The following CADM2 variants were observed in gnomAD, a reference collection of about 807,000 sequenced individuals.
The protein encoded by CADM2 is cell adhesion molecule 2.
A neutral mutation model predicts 49.8 loss-of-function variants in CADM2; 12 were observed. The ratio of observed to expected loss-of-function variants is 0.24; its 90% CI spans 0.15 to 0.39. The LOEUF (loss-of-function observed/expected upper bound fraction) is 0.39, where lower values mean the gene tolerates loss of function less well. Among genes scored for constraint, CADM2 ranks in the 10% least tolerant of loss-of-function variants. The pLI is 1.00. For missense variants in CADM2, 378 were observed against 492.3 expected (o/e 0.77, Z 2.20); for synonymous variants, 214 against 175.4 (o/e 1.22, Z -1.74).
intron 1 of CADM2, among the ~76,000 whole-genome samples, chr3:85,391,559 A>G (rs1444938679): frequency 2.6e-4 from 39 of 152,072 alleles, no homozygotes; most frequent in Admixed American, 2.6e-3. Flanking sequence ...AAAAACAACA[A>G]TAGCAACAAT....
intron 1 of CADM2, among the ~76,000 whole-genome samples, chr3:85,384,436 T>C (rs1194176271): frequency 6.6e-6 from 1 of 152,060 alleles, no homozygotes; most frequent in Non-Finnish European, 1.5e-5. Flanking sequence ...TTCAGCCTTC[T>C]AAGTAGCTGG....
At chr3:85,211,305 G>A (rs938673438) in intron 1 of CADM2, among the ~76,000 whole-genome samples, 1 of 151,732 alleles carries the variant, frequency 6.6e-6, no homozygotes, top group African/African-American at 2.4e-5. Context: ...TTACTGCTCT[G>A]ATCTATTTTA....
chr3:85,719,596 A>G (rs1559612409), intron 1 of CADM2, among the ~76,000 whole-genome samples: 1 of 152,202 alleles, frequency 6.6e-6, no homozygotes, highest in Non-Finnish European at 1.5e-5. Context: ...CATTAAGTGG[A>G]GGTGGATCAT....
rs567791507 is a variant in CADM2, at chr3:85,559,457, A to G, written c.62-167065A>G. 6.6e-5 allele frequency among the ~76,000 whole-genome samples: 10 copies of G among 152,184 alleles called. No homozygotes were observed. The South Asian group carries it at 2.1e-3, about 32-fold the overall frequency. On this transcript the variant is annotated intron_variant, in intron 1 of 9. Coordinates refer to ENST00000383699, the MANE Select transcript of CADM2 (RefSeq NM_001167675.2). The stretch of plus-strand genomic sequence containing the variant: ...ACAGTAGTCTGTATTTTGGGGTGAC[A>G]TGAATAATAGTCTTATTAAGCTCCT...
At chr3:86,020,443 C>T (rs1212526021) in intron 8 of CADM2, among the ~76,000 whole-genome samples, 1 of 151,938 alleles carries the variant, frequency 6.6e-6, no homozygotes, top group Non-Finnish European at 1.5e-5. Flanking sequence ...TCTGAAACTA[C>T]TCCAATCAAT....
rs907235980 is a variant in CADM2, at chr3:85,818,553, T to A, written c.238+16357T>A. Among the ~76,000 whole-genome samples, 3 of 152,210 alleles carry A rather than the reference T, an allele frequency of 2.0e-5. No homozygotes were observed. The East Asian group carries it at 5.8e-4, about 29-fold the overall frequency. On this transcript the variant is annotated intron_variant, in intron 3 of 9. Coordinates refer to ENST00000383699, the MANE Select transcript of CADM2 (RefSeq NM_001167675.2). ...TCCTCACTAAATACTCTCTCAGTAG[T>A]TCAAATAGTGTTTTGTAACTTCTTT... is the stretch of plus-strand genomic sequence containing the variant.
Position 85,770,089 on chromosome 3 carries a change from C to T in CADM2, c.89-31958C>T, listed in dbSNP as rs1271113242. On this transcript the variant is annotated intron_variant, in intron 2 of 9. Coordinates refer to ENST00000383699, the MANE Select transcript of CADM2 (RefSeq NM_001167675.2). ...AGAAAACCTGATTCCTCAGACAACTCTACGGGTAACTAACTGTGCTATGGT... is the reference window on the plus strand; with the variant it reads ...AGAAAACCTGATTCCTCAGACAACTTTACGGGTAACTAACTGTGCTATGGT... Among the ~76,000 whole-genome samples the T allele has an allele frequency of 3.3e-5, 5 of 152,186 alleles. No homozygotes were observed. In the East Asian group the frequency reaches 9.7e-4, roughly 29 times the overall value.
intron 3 of CADM2, among the ~76,000 whole-genome samples, chr3:85,829,656 G>T (rs11920214): frequency 0.044 from 6,659 of 151,892 alleles, 457 homozygotes; most frequent in African/African-American, 0.15. Flanking sequence ...TCTATTCTTT[G>T]ACTGACATTT....
In CADM2 at chr3:85,838,526, C is replaced by T. The variant is rs1413794718; in HGVS notation, c.238+36330C>T. On this transcript the variant is annotated intron_variant, in intron 3 of 9. Coordinates refer to ENST00000383699, the MANE Select transcript of CADM2 (RefSeq NM_001167675.2). ...AAATAATTTTAACAATTATTTTCTACAAAATTTTTATTTGAGGTGCTCTGG... is the reference window on the plus strand; with the variant it reads ...AAATAATTTTAACAATTATTTTCTATAAAATTTTTATTTGAGGTGCTCTGG... Among the ~76,000 whole-genome samples the T allele has an allele frequency of 2.0e-5, 3 of 151,720 alleles. No homozygotes were observed. The South Asian group carries it at 6.2e-4, about 31-fold the overall frequency.
chr3:85,698,391 A>T (rs1444693188), intron 1 of CADM2, among the ~76,000 whole-genome samples: 1 of 152,206 alleles, frequency 6.6e-6, no homozygotes, highest in East Asian at 1.9e-4. Flanking sequence ...TAGCTGTGTT[A>T]GTCCACTTTT....
intron 1 of CADM2, among the ~76,000 whole-genome samples, chr3:85,603,388 C>A (rs2063465180): frequency 6.9e-6 from 1 of 143,886 alleles, no homozygotes; most frequent in Admixed American, 7.0e-5. Flanking sequence ...TAAGTGAACA[C>A]TCCTTTTAAT....
chr3:85,079,415 C>T (rs1157589288), intron 1 of CADM2, among the ~76,000 whole-genome samples: 1 of 151,748 alleles, frequency 6.6e-6, no homozygotes, highest in Admixed American at 6.6e-5. Flanking sequence ...AAGGAATGTG[C>T]GTTCCTTCCT....
At chr3:85,069,087 T>A (rs2036629804) in intron 1 of CADM2, among the ~76,000 whole-genome samples, 1 of 152,110 alleles carries the variant, frequency 6.6e-6, no homozygotes, top group African/African-American at 2.4e-5. Flanking sequence ...GGCTCAATTA[T>A]GGCCGTTGAT....
chr3:85,147,131 C>T (rs58222692), intron 1 of CADM2, among the ~76,000 whole-genome samples: 11,226 of 151,536 alleles, frequency 0.074, 1,403 homozygotes, highest in African/African-American at 0.26. Flanking sequence ...GAAAATTAGC[C>T]GGGCATGGTG....
At chr3:85,035,997 GTTA>G (rs2035195689) in intron 1 of CADM2, among the ~76,000 whole-genome samples, 1 of 152,108 alleles carries the variant, frequency 6.6e-6, no homozygotes, top group Admixed American at 6.5e-5. Context: ...CTCCTTCATA[GTTA>G]TTATCCATTA....
chr3:85,835,354 T>G (rs1402647482), intron 3 of CADM2, among the ~76,000 whole-genome samples: 1 of 151,072 alleles, frequency 6.6e-6, no homozygotes, highest in South Asian at 2.1e-4. Flanking sequence ...CTTATCCTGT[T>G]AATCACTGTT....
chr3:85,495,264 T>A (rs1446987304), intron 1 of CADM2, among the ~76,000 whole-genome samples: 2 of 152,178 alleles, frequency 1.3e-5, no homozygotes, highest in Non-Finnish European at 2.9e-5. Flanking sequence ...CATGAATAAC[T>A]TTATTCACTC....
chr3:85,603,253 T>A (rs1449170042), intron 1 of CADM2, among the ~76,000 whole-genome samples: 10 of 151,936 alleles, frequency 6.6e-5, no homozygotes, highest in African/African-American at 2.2e-4. Flanking sequence ...AGACTCTCTT[T>A]CCAGGCTGCA....
rs1221401528 is a variant in CADM2 at position 85,637,620 on chromosome 3, A to G, written c.62-88902A>G. Among the ~76,000 whole-genome samples the G allele has an allele frequency of 1.2e-4, 18 of 144,186 alleles. No individual in the cohort carries two copies. The East Asian group carries it at 3.5e-3, about 28-fold the overall frequency. 94.6% of individuals were successfully genotyped at this position (144,186 alleles called of 152,430 possible). On this transcript the variant is annotated intron_variant, in intron 1 of 9. Transcript: ENST00000383699. ...CGAGACTCCGTCTCAAAAAAAAAAA[A>G]AAAAATAAAATAAAATAAATAAATA... is the stretch of plus-strand genomic sequence containing the variant.
Sources: allele counts gnomAD v4.1 joint callset (sites outside exome capture counted in the v4.1 genomes callset), GRCh38; gene constraint gnomAD v4.1.1; transcripts MANE v1.5; gene names NCBI Gene and HGNC (gene_info 2026-07-23, HGNC 2026-07-21).